FAM171A1: variants seen among roughly 807,000 people sequenced by gnomAD.
FAM171A1 encodes the protein protein FAM171A1.
In FAM171A1, 23 loss-of-function variants were observed where a neutral mutation model predicts 74.9. That is an observed-to-expected ratio of 0.31 (90% CI 0.22 to 0.44). FAM171A1 has a LOEUF of 0.44. FAM171A1 is among the 20% of genes least tolerant of loss of function. The probability of loss-of-function intolerance (pLI) is 1.00; values close to 1 mark genes in which losing one functional copy is unlikely to be tolerated. For synonymous variants in FAM171A1, 527 were observed against 505.7 expected, an observed-to-expected ratio of 1.04 and a Z score of -0.57; for missense variants, 1,162 against 1,159.2, an observed-to-expected ratio of 1.00 and a Z score of -0.03.
At chr10:15,345,415 A>G (rs902095746) in intron 1 of FAM171A1, among the ~76,000 whole-genome samples, 3 of 152,082 alleles carry the variant, frequency 2.0e-5, no homozygotes, top group African/African-American at 7.2e-5. Flanking sequence ...GGATGGCAGA[A>G]CGAGAGGGGA....
At position 15,342,114 on chromosome 10, in the gene FAM171A1, T is replaced by C. The variant is rs183080919; in HGVS notation, c.97+28842A>G. Among the ~76,000 whole-genome samples the C allele has an allele frequency of 3.3e-3, 503 of 152,322 alleles. 2 individuals carry two copies. The highest frequency in any genetic ancestry group is 0.011 in the African/African-American group (453 of 41,570). On this transcript the variant is annotated intron_variant, in intron 1 of 7. Transcript: ENST00000378116. ...TGCTACTTTGATTGACATCATGAAA[T>C]TGGGGCTACAAACCCTAAGCAATCT...
chr10:15,239,703 A>T (rs1834339924), intron 5 of FAM171A1, among the ~76,000 whole-genome samples: 1 of 152,214 alleles, frequency 6.6e-6, no homozygotes, highest in African/African-American at 2.4e-5. Context: ...TCTTTAAGGA[A>T]AAGAGATCCA....
intron 5 of FAM171A1, among the ~76,000 whole-genome samples, chr10:15,234,444 T>C (rs1834253497): frequency 6.6e-6 from 1 of 152,168 alleles, no homozygotes; most frequent in Admixed American, 6.5e-5. Context: ...AAATTTATTT[T>C]AAACGAGAGT....
At chr10:15,247,940 G>C (rs1588510617) in intron 5 of FAM171A1, among the ~76,000 whole-genome samples, 1 of 152,168 alleles carries the variant, frequency 6.6e-6, no homozygotes, top group East Asian at 1.9e-4. Context: ...ACACTCATTA[G>C]CCCCAGCTGA....
At position 15,213,921 on chromosome 10, in the gene FAM171A1, C is replaced by T. The variant is rs150161950; in HGVS notation, c.1667G>A (p.Arg556Gln). The T allele has an allele frequency of 4.4e-4, 705 of 1,614,114 alleles. 2 individuals carry two copies. The African/African-American group carries it at 7.6e-3, about 17-fold the overall frequency. ...DHLERPTSFP[R>Q]PGQLICCSSV... ...ACTGCAGCAGATTAACTGGCCGGGCCGTGGGAAGGACGTAGGTCTCTCGAG... is the reference window on the plus strand; with the variant it reads ...ACTGCAGCAGATTAACTGGCCGGGCTGTGGGAAGGACGTAGGTCTCTCGAG... Residue 556 changes from arginine (R) to glutamine (Q), a missense_variant, in exon 8 of 8, where the codon CGG becomes CAG. Physicochemically the swap from Arg to Gln is conservative, Grantham distance 43 (BLOSUM62 1). Transcript: ENST00000378116. This position sits in a 1 kb window ranked among gnomAD's most constrained non-coding sequence, Gnocchi z 6.8.
intron 1 of FAM171A1, among the ~76,000 whole-genome samples, chr10:15,339,075 G>GT (rs1346210061): frequency 6.6e-6 from 1 of 152,114 alleles, no homozygotes; most frequent in Non-Finnish European, 1.5e-5. Flanking sequence ...CTAAGGTTAA[G>GT]TTTTTTAAGC....
intron 1 of FAM171A1, among the ~76,000 whole-genome samples, chr10:15,319,102 G>T (rs1835455964): frequency 6.6e-6 from 1 of 152,192 alleles, no homozygotes; most frequent in Admixed American, 6.5e-5. Flanking sequence ...GACACGTCTG[G>T]AGGGATAAAG....
At chr10:15,357,506 G>A (rs1835947514) in intron 1 of FAM171A1, among the ~76,000 whole-genome samples, 1 of 152,196 alleles carries the variant, frequency 6.6e-6, no homozygotes, top group Middle Eastern at 3.2e-3. Context: ...GACCTTTCTG[G>A]AATGATGGAA....
At chr10:15,363,764 G>A (rs1263911595) in intron 1 of FAM171A1, among the ~76,000 whole-genome samples, 1 of 152,092 alleles carries the variant, frequency 6.6e-6, no homozygotes, top group African/African-American at 2.4e-5. Flanking sequence ...CCCCTCTTTG[G>A]GGCCCACTGA....
chr10:15,278,395 T>C (rs1252921501), intron 2 of FAM171A1, among the ~76,000 whole-genome samples: 1 of 152,182 alleles, frequency 6.6e-6, no homozygotes, highest in Non-Finnish European at 1.5e-5. Context: ...ATTCCACTCC[T>C]ACGTATAAAC....
At chr10:15,225,207 T>G (rs1035729269) in intron 5 of FAM171A1, among the ~76,000 whole-genome samples, 5 of 152,176 alleles carry the variant, frequency 3.3e-5, no homozygotes, top group African/African-American at 1.2e-4. Context: ...CACCTAGAGA[T>G]ATGCATAGAG....
chr10:15,329,815 GA>G (rs893906334), intron 1 of FAM171A1, among the ~76,000 whole-genome samples: 2 of 152,136 alleles, frequency 1.3e-5, no homozygotes, highest in Non-Finnish European at 2.9e-5. Flanking sequence ...AAAGAAACTG[GA>G]ACCTTCAGTG....
intron 6 of FAM171A1, among the ~76,000 whole-genome samples, chr10:15,219,540 T>C (rs547212310): frequency 6.6e-6 from 1 of 152,306 alleles, no homozygotes; most frequent in East Asian, 1.9e-4. Flanking sequence ...GGTTCATGCT[T>C]ATATCACTAC....
intron 5 of FAM171A1, among the ~76,000 whole-genome samples, chr10:15,243,937 A>G (rs964787836): frequency 6.6e-6 from 1 of 152,158 alleles, no homozygotes; most frequent in Non-Finnish European, 1.5e-5. Context: ...TTTTTAGTAG[A>G]GACGAGGTTT....
At chr10:15,259,390 C>A (rs1039816452) in intron 3 of FAM171A1, among the ~76,000 whole-genome samples, 2 of 152,132 alleles carry the variant, frequency 1.3e-5, no homozygotes, top group African/African-American at 4.8e-5. Context: ...CTAATCATGT[C>A]CTTTCCCTGC....
intron 5 of FAM171A1, among the ~76,000 whole-genome samples, chr10:15,231,054 G>A (rs1432950272): frequency 6.6e-6 from 1 of 152,218 alleles, no homozygotes. Context: ...CAGATAATTT[G>A]CAGAGAATAA....
rs377593298 is a variant in FAM171A1 at position 15,213,627 on chromosome 10, C to T, written c.1961G>A (p.Arg654Gln). 4.5e-5 allele frequency: 72 copies of T among 1,614,146 alleles called. No individual in the cohort carries two copies. The highest frequency in any genetic ancestry group is 5.3e-5 in the Non-Finnish European group (63 of 1,180,004). Residue 654 changes from arginine (R) to glutamine (Q), a missense_variant, in exon 8 of 8, where the codon CGG (arginine) becomes CAG (glutamine). Coordinates refer to ENST00000378116, the MANE Select transcript of FAM171A1 (RefSeq NM_001010924.2). The surrounding 1 kb of genome is among the most constrained non-coding windows in gnomAD (Gnocchi z 6.8). ...GGATGCGTTCTGAGGGCTCCACTCC[C>T]GGGTGCCCGCATCCTGCAGGTGCTG... ...SQQHLQDAGT[R>Q]EWSPQNASMS...
chr10:15,371,062 G>A lies in FAM171A1; in HGVS notation c.-10C>T, dbSNP rs1836139075. The A allele has an allele frequency of 1.9e-6, 2 of 1,078,532 alleles. No individual in the cohort carries two copies. Among genetic ancestry groups the A allele is most frequent in the Non-Finnish European group, 1.1e-6 (1 of 878,154 alleles). The allele number at this position is 1,078,532 out of a possible 1,614,324, so 66.8% of individuals were successfully genotyped here. ...TCGCGGACCTGCTCATCTCCGCCGC[G>A]GGGCCGGCGGCGGCTCGGGCTCGCC... On this transcript the variant is annotated 5_prime_UTR_variant, in exon 1 of 8. Coordinates refer to ENST00000378116, the MANE Select transcript of FAM171A1 (RefSeq NM_001010924.2).
chr10:15,366,344 T>C (rs1308362572), intron 1 of FAM171A1, among the ~76,000 whole-genome samples: 1 of 152,182 alleles, frequency 6.6e-6, no homozygotes, highest in South Asian at 2.1e-4. Context: ...GGTCTTGAAC[T>C]TCTGACCTCA....
Sources: gnomAD v4.1 joint callset for allele counts (sites outside exome capture counted in the v4.1 genomes callset) on GRCh38, gnomAD v4.1.1 for gene constraint, Gnocchi (gnomAD v3.1) non-coding constraint, MANE v1.5 for transcripts, NCBI Gene and HGNC (gene_info 2026-07-23, HGNC 2026-07-21) for gene names.